HECW2: variants seen among roughly 807,000 people sequenced by gnomAD.
The protein encoded by HECW2 is E3 ubiquitin-protein ligase HECW2.
In HECW2, 61 loss-of-function variants were observed where a neutral mutation model predicts 175.2. The ratio of observed to expected loss-of-function variants is 0.35; its 90% confidence interval spans 0.28 to 0.43. HECW2 has a LOEUF of 0.43. Ranked by LOEUF, HECW2 falls within the 20% of genes least tolerant of loss-of-function variation. The pLI is 1.00. For synonymous variants in HECW2, 671 were observed against 731.0 expected (o/e 0.92, Z 1.32); for missense variants, 1,524 against 2,000.5 (o/e 0.76, Z 4.54).
chr2:196,312,062 C>G (rs1334043436), intron 10 of HECW2, among the ~76,000 whole-genome samples: 1 of 152,112 alleles, frequency 6.6e-6, no homozygotes, highest in African/African-American at 2.4e-5. Flanking sequence ...GTGGGAAGGG[C>G]GCAGGGTTGT....
chr2:196,456,957 C>T (rs867846158), intron 1 of HECW2, among the ~76,000 whole-genome samples: 27 of 152,148 alleles, frequency 1.8e-4, no homozygotes, highest in African/African-American at 4.1e-4. Context: ...AGCCAAAAGA[C>T]TATCAAATAA....
At chr2:196,432,735 G>A (rs762536026) in intron 2 of HECW2, among the ~76,000 whole-genome samples, 12 of 151,726 alleles carry the variant, frequency 7.9e-5, no homozygotes, top group Non-Finnish European at 1.3e-4. Flanking sequence ...TTTAAAATAT[G>A]TCATCTAAAT....
At chr2:196,400,596 A>G (rs1348817467) in intron 2 of HECW2, among the ~76,000 whole-genome samples, 1 of 152,178 alleles carries the variant, frequency 6.6e-6, no homozygotes, top group Non-Finnish European at 1.5e-5. Flanking sequence ...TCCATAGCCT[A>G]AAGATCTGTA....
chr2:196,445,349 A>G (rs915672669), intron 1 of HECW2, among the ~76,000 whole-genome samples: 1 of 152,208 alleles, frequency 6.6e-6, no homozygotes, highest in African/African-American at 2.4e-5. Context: ...ACAAAGGTAG[A>G]TCCATTACAG....
intron 2 of HECW2, among the ~76,000 whole-genome samples, chr2:196,385,096 G>C (rs1002515881): frequency 2.0e-5 from 3 of 151,992 alleles, no homozygotes; most frequent in African/African-American, 7.3e-5. Context: ...TTTATTTGTA[G>C]AGACAGGGTC....
chr2:196,297,997 T>C (rs563158377), intron 13 of HECW2, among the ~76,000 whole-genome samples: 10 of 152,346 alleles, frequency 6.6e-5, no homozygotes, highest in African/African-American at 1.7e-4. Flanking sequence ...TATTTTGCAA[T>C]AGCAGGAATT....
intron 4 of HECW2, among the ~76,000 whole-genome samples, chr2:196,333,135 C>T (rs1692428892): frequency 6.6e-6 from 1 of 152,038 alleles, no homozygotes; most frequent in African/African-American, 2.4e-5. Flanking sequence ...AGGACAAATC[C>T]TACTACACAG....
At chr2:196,321,631 C>T (rs971144210) in intron 7 of HECW2, among the ~76,000 whole-genome samples, 7 of 152,074 alleles carry the variant, frequency 4.6e-5, no homozygotes, top group Non-Finnish European at 2.9e-5. Flanking sequence ...AACTCCTGAC[C>T]TCGGGTGATC....
chr2:196,478,077 CA>C (rs1006113522), intron 1 of HECW2, among the ~76,000 whole-genome samples: 7 of 151,836 alleles, frequency 4.6e-5, no homozygotes, highest in African/African-American at 1.7e-4. Flanking sequence ...ATCCAAAAAA[CA>C]AAACAAAAAC....
chr2:196,576,028 A>G (rs1200263100), intron 1 of HECW2, among the ~76,000 whole-genome samples: 1 of 152,186 alleles, frequency 6.6e-6, no homozygotes, highest in Non-Finnish European at 1.5e-5. Context: ...TGGAGGGAAC[A>G]AATATCTAAA....
At chr2:196,381,552 T>C (rs1277830715) in intron 2 of HECW2, among the ~76,000 whole-genome samples, 2 of 152,154 alleles carry the variant, frequency 1.3e-5, no homozygotes, top group Admixed American at 1.3e-4. Flanking sequence ...CAGAAAATGT[T>C]CCTTATATTA....
chr2:196,260,419 T>C (rs989357832), intron 17 of HECW2: 6 of 152,206 alleles, frequency 3.9e-5, no homozygotes, highest in Admixed American at 2.0e-4. Context: ...TCAGTGAACA[T>C]TTTCTGCGTG....
At chr2:196,384,907 C>CT (rs1694305553) in intron 2 of HECW2, among the ~76,000 whole-genome samples, 1 of 151,974 alleles carries the variant, frequency 6.6e-6, no homozygotes, top group African/African-American at 2.4e-5. Flanking sequence ...TAGATGGTTT[C>CT]TTTTTTTGTT....
intron 1 of HECW2, among the ~76,000 whole-genome samples, chr2:196,466,563 G>A (rs898561017): frequency 2.6e-5 from 4 of 152,210 alleles, no homozygotes; most frequent in Non-Finnish European, 5.9e-5. Flanking sequence ...GCATAGAGAA[G>A]CAGGTGCAAA....
intron 2 of HECW2, among the ~76,000 whole-genome samples, chr2:196,390,673 T>C (rs1443243948): frequency 6.6e-6 from 1 of 152,196 alleles, no homozygotes; most frequent in Non-Finnish European, 1.5e-5. Flanking sequence ...TTGTTTTTTA[T>C]TAACACAACA....
At chr2:196,459,081 A>G (rs1019006499) in intron 1 of HECW2, among the ~76,000 whole-genome samples, 2 of 152,212 alleles carry the variant, frequency 1.3e-5, no homozygotes, top group African/African-American at 4.8e-5. Flanking sequence ...AAAAAAACAA[A>G]CAAACAAATC....
chr2:196,402,070 G>A (rs560196010), intron 2 of HECW2, among the ~76,000 whole-genome samples: 18 of 151,684 alleles, frequency 1.2e-4, no homozygotes, highest in African/African-American at 2.9e-4. Flanking sequence ...ACGTGGTGGC[G>A]GGCGCCTGTA....
intron 10 of HECW2, among the ~76,000 whole-genome samples, chr2:196,310,613 C>G (rs754495341): frequency 6.6e-6 from 1 of 152,174 alleles, no homozygotes; most frequent in Non-Finnish European, 1.5e-5. Context: ...CATATGAAAA[C>G]TCATTTCATA....
rs58612346 is a variant in HECW2 at position 196,211,932 on chromosome 2, T to A, written c.4607+3933A>T. ...ATCTCGGCTCACTGCAACCTCTGCC[T>A]CCTGGGTTCAAGCGATTCTCCTGCC... is the stretch of plus-strand genomic sequence containing the variant. On this transcript the variant is annotated intron_variant, in intron 28 of 28. Transcript: ENST00000644978. 6.4e-3 allele frequency among the ~76,000 whole-genome samples: 976 copies of A among 152,286 alleles called. 14 individuals carry two copies. The highest frequency in any genetic ancestry group is 0.022 in the African/African-American group (918 of 41,536).
Sources: gnomAD v4.1 joint callset for allele counts (sites outside exome capture counted in the v4.1 genomes callset) on GRCh38, gnomAD v4.1.1 for gene constraint, MANE v1.5 for transcripts, NCBI Gene and HGNC (gene_info 2026-07-23, HGNC 2026-07-21) for gene names.